PTGER4: variants seen among roughly 807,000 people sequenced by gnomAD.
PTGER4 encodes prostaglandin E2 receptor EP4 subtype.
Under a neutral mutation model 33.2 loss-of-function variants are expected in PTGER4, and 11 were observed. The ratio of observed to expected loss-of-function variants is 0.33; its 90% CI spans 0.21 to 0.55. PTGER4 has a LOEUF of 0.55. PTGER4 is among the 20% of genes least tolerant of loss of function. The pLI is 0.92. For missense variants in PTGER4, 481 were observed against 650.2 expected (o/e 0.74, Z 2.83); for synonymous variants, 275 against 281.5 (o/e 0.98, Z 0.23).
chr5:40,735,899 G>T, the PTGER4 span, among the ~76,000 whole-genome samples: 1 of 152,188 alleles, frequency 6.6e-6, no homozygotes, highest in African/African-American at 2.4e-5. Context: ...CATGGGGACA[G>T]AAATATGACT....
At chr5:40,717,111 C>T in the PTGER4 span, among the ~76,000 whole-genome samples, 2 of 151,846 alleles carry the variant, frequency 1.3e-5, no homozygotes, top group Admixed American at 1.3e-4. Flanking sequence ...TGCCTGTAAT[C>T]CCAGCTACCC....
Position 40,681,121 on chromosome 5 carries a change from G to T in PTGER4, c.128G>T (p.Cys43Phe). 2 of 1,614,128 alleles carry T rather than the reference G, an allele frequency of 1.2e-6. No homozygotes were observed. Among genetic ancestry groups the T allele is most frequent in the Non-Finnish European group, 1.7e-6 (2 of 1,180,036 alleles). Residue 43 changes from cysteine (C) to phenylalanine (F), a missense_variant, in exon 2 of 3, where the codon TGC becomes TTC. Transcript: ENST00000302472. The surrounding 1 kb of genome is among the most constrained non-coding windows in gnomAD (Gnocchi z 9.8). ...AACCTGGTGGCCATCGTGGTGCTGT[G>T]CAAGTCGCGCAAGGAGCAGAAGGAG... is the stretch of plus-strand genomic sequence containing the variant. ...VGNLVAIVVLCKSRKEQKETT... is the reference protein window; with the variant it reads ...VGNLVAIVVLFKSRKEQKETT...
At position 40,691,959 on chromosome 5, in the gene PTGER4, C is replaced by T. The variant is rs1579650807; in HGVS notation, c.1048C>T (p.Arg350Cys). The change falls in exon 3 of 3, where the codon CGC becomes TGC. Residue 350 changes from arginine (R) to cysteine (C), a missense_variant. Physicochemically the swap from Arg to Cys is radical, Grantham distance 180. Around this residue, in one of 7 missense-constraint regions of PTGER4, gnomAD observed 172 missense variants for 199.2 expected, o/e 0.86. Transcript: ENST00000302472. This position sits in a 1 kb window ranked among gnomAD's most constrained non-coding sequence, Gnocchi z 4.2. Reference protein sequence around the residue: ...AIEKIKCLFCRIGGSRRERSG... With the variant: ...AIEKIKCLFCCIGGSRRERSG... ...AGAGAAGATCAAATGCCTCTTCTGC[C>T]GCATTGGCGGGTCCCGCAGGGAGCG... 1.2e-6 allele frequency: 2 copies of T among 1,614,246 alleles called. No homozygotes were observed. The highest frequency in any genetic ancestry group is 1.3e-5 in the African/African-American group (1 of 75,066).
At chr5:40,709,551 A>G in the PTGER4 span, among the ~76,000 whole-genome samples, 3 of 152,242 alleles carry the variant, frequency 2.0e-5, no homozygotes, top group Non-Finnish European at 2.9e-5. Context: ...AATAAATGGA[A>G]GAACATTCCA....
At chr5:40,728,324 A>C in the PTGER4 span, 1 of 1,531,068 alleles carries the variant, frequency 6.5e-7, no homozygotes, top group Non-Finnish European at 8.8e-7. Context: ...TTTCTGCATT[A>C]TAATAATCTG....
chr5:40,698,700 A>G (rs1741667780), downstream of PTGER4, among the ~76,000 whole-genome samples: 1 of 152,170 alleles, frequency 6.6e-6, no homozygotes. Flanking sequence ...ACAAAACAAA[A>G]CACCTCATTG....
rs533152471 is a variant in PTGER4, at chr5:40,683,309, A to G, written c.867+1449A>G. ...CAGAGCCAGAATACAGTAGGTTCTT[A>G]CCAATTTGTATAAACAGAAGTAAAT... On this transcript the variant is annotated intron_variant, in intron 2 of 2. Coordinates refer to ENST00000302472, the MANE Select transcript of PTGER4 (RefSeq NM_000958.3). The surrounding 1 kb of genome is among the most constrained non-coding windows in gnomAD (Gnocchi z 4.2). Among the ~76,000 whole-genome samples, 24 of 152,334 alleles carry G rather than the reference A, an allele frequency of 1.6e-4. No individual in the cohort carries two copies. The highest frequency in any genetic ancestry group is 4.1e-4 in the African/African-American group (17 of 41,584).
chr5:40,691,310 T>G lies in PTGER4; in HGVS notation c.868-469T>G, dbSNP rs1248700329. On this transcript the variant is annotated intron_variant, in intron 2 of 2. Transcript: ENST00000302472. The surrounding 1 kb of genome is among the most constrained non-coding windows in gnomAD (Gnocchi z 4.2). ...GATTCTCCTGCCTCAGCCTCCCGAG[T>G]AGCTGGGACTACAGGCGCATGCCAC... Among the ~76,000 whole-genome samples the G allele has an allele frequency of 6.6e-6, 1 of 152,210 alleles. No individual in the cohort carries two copies. The highest frequency in any genetic ancestry group is 6.5e-5 in the Admixed American group (1 of 15,286).
chr5:40,733,384 A>C, the PTGER4 span, among the ~76,000 whole-genome samples: 1 of 152,184 alleles, frequency 6.6e-6, no homozygotes, highest in African/African-American at 2.4e-5. Context: ...ACTGTATCCC[A>C]AAATAAGCCA....
At position 40,693,258 on chromosome 5, in the gene PTGER4, T is replaced by C; in HGVS notation, c.*880T>C. 2 of 981,536 alleles carry C rather than the reference T, an allele frequency of 2.0e-6. No homozygotes were observed. Among genetic ancestry groups the C allele is most frequent in the Non-Finnish European group, 2.4e-6 (2 of 826,052 alleles). The allele number at this position is 981,536 out of a possible 1,614,324, so 60.8% of individuals were successfully genotyped here. A position where few individuals can be genotyped will look rare whatever the true frequency, so the allele number is the denominator to read the frequency against. ...TCACTAATTGGTACTTTTAAAAACA[T>C]AACATAAATTTTTTGAAGTCTTTAA... On this transcript the variant is annotated 3_prime_UTR_variant, in exon 3 of 3. Transcript: ENST00000302472.
At chr5:40,703,222 CAA>C in the PTGER4 span, among the ~76,000 whole-genome samples, 28 of 146,862 alleles carry the variant, frequency 1.9e-4, no homozygotes, top group South Asian at 2.1e-4. Context: ...TGGTTTTTTG[CAA>C]AAAAAAAAAA....
chr5:40,681,440 C>G lies in PTGER4; in HGVS notation c.447C>G (p.Leu149=). ...TTGCAGTCTATGCGTCCAACGTGCT[C>G]TTTTGCGCGCTGCCCAACATGGGTC... is the stretch of plus-strand genomic sequence containing the variant. ...TLFAVYASNV[L]FCALPNMGLG... The change falls in exon 2 of 3, where the codon CTC becomes CTG. Residue 149 remains leucine, a synonymous_variant. Coordinates refer to ENST00000302472, the MANE Select transcript of PTGER4 (RefSeq NM_000958.3). This position sits in a 1 kb window ranked among gnomAD's most constrained non-coding sequence, Gnocchi z 9.8. 6.2e-7 allele frequency: 1 copy of G among 1,613,900 alleles called. No individual in the cohort carries two copies. The highest frequency in any genetic ancestry group is 8.5e-7 in the Non-Finnish European group (1 of 1,180,036).
At chr5:40,716,358 T>C in the PTGER4 span, 1 of 1,614,210 alleles carries the variant, frequency 6.2e-7, no homozygotes, top group South Asian at 1.1e-5. Context: ...AGTGTGTTAC[T>C]TCAGCTGGTG....
the PTGER4 span, chr5:40,716,414 G>A: frequency 6.2e-7 from 1 of 1,613,836 alleles, no homozygotes; most frequent in Non-Finnish European, 8.5e-7. Context: ...TGCTCCTGGA[G>A]CGTTCTTGCC....
Position 40,683,494 on chromosome 5 carries a change from G to T in PTGER4, c.867+1634G>T, listed in dbSNP as rs1292839442. On this transcript the variant is annotated intron_variant, in intron 2 of 2. Transcript: ENST00000302472. This position sits in a 1 kb window ranked among gnomAD's most constrained non-coding sequence, Gnocchi z 4.2. ...CAACACTGCTCCTGATGGGGCCCCT[G>T]TTCCTGGGCCTCTGCCTTGTGTTTT... 6.6e-6 allele frequency among the ~76,000 whole-genome samples: 1 copy of T among 152,236 alleles called. No individual in the cohort carries two copies. The highest frequency in any genetic ancestry group is 2.4e-5 in the African/African-American group (1 of 41,456).
the PTGER4 span, chr5:40,730,256 T>G: frequency 6.3e-7 from 1 of 1,592,500 alleles, no homozygotes; most frequent in Non-Finnish European, 8.6e-7. Flanking sequence ...TCTTCATAAT[T>G]ATTACCTGTG....
At chr5:40,704,708 A>G in the PTGER4 span, among the ~76,000 whole-genome samples, 1 of 152,194 alleles carries the variant, frequency 6.6e-6, no homozygotes, top group South Asian at 2.1e-4. Context: ...GCCAAATCAG[A>G]AAAGCAATCC....
At chr5:40,738,475 AATACAATAC>A in the PTGER4 span, among the ~76,000 whole-genome samples, 1 of 137,122 alleles carries the variant, frequency 7.3e-6, no homozygotes, top group African/African-American at 2.8e-5. Context: ...AATACAATAC[AATACAATAC>A]AATACAATAC....
the PTGER4 span, among the ~76,000 whole-genome samples, chr5:40,711,302 T>C: frequency 6.6e-6 from 1 of 152,120 alleles, no homozygotes; most frequent in East Asian, 1.9e-4. Flanking sequence ...TCAACATTAT[T>C]AGGGAAATGC....
Sources: allele counts gnomAD v4.1 joint callset (sites outside exome capture counted in the v4.1 genomes callset), GRCh38; gene constraint gnomAD v4.1.1; regional missense constraint gnomAD v4.1.1; non-coding constraint Gnocchi (gnomAD v3.1); transcripts MANE v1.5; gene names NCBI Gene and HGNC (gene_info 2026-07-23, HGNC 2026-07-21).